Variants in ANKS1B observed in about 807,000 individuals in gnomAD.
ANKS1B encodes the protein ankyrin repeat and sterile alpha motif domain-containing protein 1B.
Under a neutral mutation model 148.3 loss-of-function variants are expected in ANKS1B, and 36 were observed. That is an observed-to-expected ratio of 0.24 (90% confidence interval 0.19 to 0.32). The LOEUF (loss-of-function observed/expected upper bound fraction) is 0.32. Ranked by LOEUF, ANKS1B falls within the 10% of genes least tolerant of loss-of-function variation. ANKS1B has a pLI of 1.00. For missense variants in ANKS1B, 1,157 were observed against 1,542.6 expected, an observed-to-expected ratio of 0.75 and a Z score of 4.19; for synonymous variants, 542 against 560.8, an observed-to-expected ratio of 0.97 and a Z score of 0.47.
chr12:99,512,588 A>C (rs1567243454), intron 9 of ANKS1B, among the ~76,000 whole-genome samples: 3 of 152,150 alleles, frequency 2.0e-5, no homozygotes, highest in Non-Finnish European at 2.9e-5. Context: ...TCTATTATAA[A>C]GATACATGCA....
At chr12:99,681,588 A>T (rs1431638645) in intron 8 of ANKS1B, among the ~76,000 whole-genome samples, 1 of 152,164 alleles carries the variant, frequency 6.6e-6, no homozygotes, top group Non-Finnish European at 1.5e-5. Flanking sequence ...GAAGAGAAAT[A>T]ACAATCACAG....
intron 15 of ANKS1B, among the ~76,000 whole-genome samples, chr12:99,126,524 G>A (rs1360613983): frequency 6.6e-6 from 1 of 151,998 alleles, no homozygotes; most frequent in South Asian, 2.1e-4. Context: ...ACCCTGCTCT[G>A]AATCACTGAG....
At chr12:99,633,647 A>T (rs1333135340) in intron 9 of ANKS1B, among the ~76,000 whole-genome samples, 1 of 152,236 alleles carries the variant, frequency 6.6e-6, no homozygotes, top group Non-Finnish European at 1.5e-5. Context: ...GGATCTAATT[A>T]AACTAAAGAG....
chr12:99,905,784 T>C (rs958647452), intron 1 of ANKS1B, among the ~76,000 whole-genome samples: 5 of 152,194 alleles, frequency 3.3e-5, no homozygotes, highest in African/African-American at 1.2e-4. Context: ...GAGATACCAG[T>C]CATATTGGAT....
chr12:99,923,484 T>A (rs1371115156), intron 1 of ANKS1B, among the ~76,000 whole-genome samples: 1 of 152,132 alleles, frequency 6.6e-6, no homozygotes, highest in Non-Finnish European at 1.5e-5. Flanking sequence ...GGATTTAAAA[T>A]AAGATCATGA....
intron 17 of ANKS1B, among the ~76,000 whole-genome samples, chr12:98,902,779 C>A (rs1352991688): frequency 6.6e-6 from 1 of 152,148 alleles, no homozygotes; most frequent in African/African-American, 2.4e-5. Flanking sequence ...AATGCCTGGA[C>A]CACAATAATT....
intron 9 of ANKS1B, among the ~76,000 whole-genome samples, chr12:99,564,307 T>C (rs1166933524): frequency 6.6e-6 from 1 of 152,038 alleles, no homozygotes; most frequent in Non-Finnish European, 1.5e-5. Context: ...TTTAATATAT[T>C]TATGCAATGC....
In ANKS1B at chr12:98,798,123, A is replaced by ATT. The variant is rs10714780; in HGVS notation, c.3342+809_3342+810dup. Among the ~76,000 whole-genome samples, 1,339 of 143,030 alleles carry ATT rather than the reference A, an allele frequency of 9.4e-3. 42 individuals are homozygous for ATT. Among genetic ancestry groups the ATT allele is most frequent in the East Asian group, 0.06 (291 of 4,814 alleles). The allele number at this position is 143,030 out of a possible 152,430, so 93.8% of individuals were successfully genotyped here. A position where few individuals can be genotyped will look rare whatever the true frequency, so the allele number is the denominator to read the frequency against. On this transcript the variant is annotated intron_variant, in intron 22 of 26. Coordinates refer to ENST00000683438, the MANE Select transcript of ANKS1B (RefSeq NM_001352186.2). ...CTAATCACAGATATTTGGAATTGCC[A>ATT]TTTTTTTTTTTTTTTTGAGACAGAG...
At chr12:99,965,434 T>C (rs1275751596) in intron 1 of ANKS1B, among the ~76,000 whole-genome samples, 1 of 152,212 alleles carries the variant, frequency 6.6e-6, no homozygotes, top group Non-Finnish European at 1.5e-5. Context: ...ATGGGATATC[T>C]GCATAAATGT....
chr12:99,401,055 A>G (rs531148905), intron 11 of ANKS1B, among the ~76,000 whole-genome samples: 1 of 146,238 alleles, frequency 6.8e-6, no homozygotes, highest in South Asian at 2.1e-4. Context: ...CCAATATTTC[A>G]CCAAATATTT....
intron 25 of ANKS1B, among the ~76,000 whole-genome samples, chr12:98,770,969 AT>A (rs537474794): frequency 1.0e-3 from 156 of 152,372 alleles, no homozygotes; most frequent in Non-Finnish European, 2.0e-3. Flanking sequence ...TCTTCTGATT[AT>A]AAATTATTAA....
chr12:98,983,906 A>G (rs1238197519), intron 17 of ANKS1B, among the ~76,000 whole-genome samples: 1 of 152,200 alleles, frequency 6.6e-6, no homozygotes. Context: ...TTTCATAAAG[A>G]GTAGATGAAT....
rs7295149 is a variant in ANKS1B, at chr12:99,910,758, G to C, written c.134+73346C>G. On this transcript the variant is annotated intron_variant, in intron 1 of 26. Coordinates refer to ENST00000683438, the MANE Select transcript of ANKS1B (RefSeq NM_001352186.2). The stretch of plus-strand genomic sequence containing the variant: ...ACATGTATCTAACGCAACAGTCTAT[G>C]TGTACACACCCATAATATATGCATA... 5.3e-3 allele frequency among the ~76,000 whole-genome samples: 808 copies of C among 152,020 alleles called. 11 individuals are homozygous for C. The highest frequency in any genetic ancestry group is 0.018 in the African/African-American group (756 of 41,446).
intron 8 of ANKS1B, among the ~76,000 whole-genome samples, chr12:99,752,791 C>T (rs181907979): frequency 4.6e-5 from 7 of 151,946 alleles, no homozygotes; most frequent in Admixed American, 4.6e-4. Context: ...TTCATTTTTT[C>T]ATCCATATAA....
chr12:99,356,830 G>A (rs891308993), intron 12 of ANKS1B, among the ~76,000 whole-genome samples: 5 of 151,892 alleles, frequency 3.3e-5, no homozygotes, highest in East Asian at 1.9e-4. Context: ...GTTTACTAGA[G>A]AGAATTTTGG....
At chr12:99,620,128 T>C (rs1035004455) in intron 9 of ANKS1B, among the ~76,000 whole-genome samples, 10 of 152,044 alleles carry the variant, frequency 6.6e-5, no homozygotes, top group African/African-American at 2.4e-4. Context: ...CACAGGGCTG[T>C]AGAAGCAAAG....
At chr12:99,639,059 T>C (rs1029530567) in intron 9 of ANKS1B, among the ~76,000 whole-genome samples, 2 of 144,574 alleles carry the variant, frequency 1.4e-5, no homozygotes, top group African/African-American at 5.1e-5. Flanking sequence ...AGAAGTTTGC[T>C]CTAGGGGCAG....
intron 1 of ANKS1B, among the ~76,000 whole-genome samples, chr12:99,883,994 C>T (rs2092691528): frequency 6.8e-6 from 1 of 146,322 alleles, no homozygotes; most frequent in African/African-American, 2.4e-5. Context: ...AGAAAACAAA[C>T]AACTCATTAA....
intron 9 of ANKS1B, among the ~76,000 whole-genome samples, chr12:99,639,284 A>G (rs2153416963): frequency 6.6e-6 from 1 of 152,332 alleles, no homozygotes; most frequent in South Asian, 2.1e-4. Flanking sequence ...TTTACCCAGT[A>G]TCTGTATCCC....
Sources: allele counts gnomAD v4.1 joint callset (sites outside exome capture counted in the v4.1 genomes callset), GRCh38; gene constraint gnomAD v4.1.1; transcripts MANE v1.5; gene names NCBI Gene and HGNC (gene_info 2026-07-23, HGNC 2026-07-21).